Variants in MUC5AC observed in about 807,000 individuals in gnomAD.
MUC5AC encodes mucin-5AC.
A neutral mutation model predicts 169.7 loss-of-function variants in MUC5AC; 158 were observed. The observed-to-expected ratio is 0.93, with a 90% CI of 0.82 to 1.06. The LOEUF (loss-of-function observed/expected upper bound fraction) is 1.06, where lower values mean the gene tolerates loss of function less well. MUC5AC is among the 50% of genes least tolerant of loss of function. The pLI is 0.00. For missense variants in MUC5AC, 4,359 were observed against 3,089.9 expected (o/e 1.41, Z -9.74); for synonymous variants, 1,975 against 1,237.0 (o/e 1.60, Z -12.52).
chr11:1,175,841 T>TCACACCCACTTATGCAA lies in MUC5AC; in HGVS notation c.2402-305_2402-304insCCACTTATGCAACACAC, dbSNP rs1564911317. On this transcript the variant is annotated intron_variant, in intron 19 of 48. Coordinates refer to ENST00000621226, the MANE Select transcript of MUC5AC (RefSeq NM_001304359.2). ...ACCACACCCACTCATGCACACGCAC[T>TCACACCCACTTATGCAA]CACACACCCACTTATGGACACGCTC... is the stretch of plus-strand genomic sequence containing the variant. Among the ~76,000 whole-genome samples, 6 of 6,582 alleles carry TCACACCCACTTATGCAA rather than the reference T, an allele frequency of 9.1e-4. 1 individual carries two copies. Among genetic ancestry groups the TCACACCCACTTATGCAA allele is most frequent in the Non-Finnish European group, 2.6e-3 (6 of 2,298 alleles). 4.3% of individuals were successfully genotyped at this position (6,582 alleles called of 152,430 possible). A position where few individuals can be genotyped will look rare whatever the true frequency, so the allele number is the denominator to read the frequency against.
intron 2 of MUC5AC, among the ~76,000 whole-genome samples, chr11:1,161,142 G>A (rs1350567473): frequency 6.6e-6 from 1 of 152,228 alleles, no homozygotes; most frequent in African/African-American, 2.4e-5. Flanking sequence ...AGCCAGGGCA[G>A]GGGGCTTCAG....
In MUC5AC at chr11:1,180,247, T is replaced by A. The variant is rs1323841699; in HGVS notation, c.3613+97T>A. ...CTCTGTGGCCCCAGCTTCCAGCACA[T>A]TCTGGTGCTGTCGGCGAGGCCCGCT... is the stretch of plus-strand genomic sequence containing the variant. On this transcript the variant is annotated intron_variant, in intron 27 of 48. Coordinates refer to ENST00000621226, the MANE Select transcript of MUC5AC (RefSeq NM_001304359.2). The A allele has an allele frequency of 7.5e-6, 3 of 398,552 alleles. No homozygotes were observed. In the Admixed American group the frequency reaches 1.3e-4, roughly 18 times the overall value. 24.7% of individuals were successfully genotyped at this position (398,552 alleles called of 1,614,324 possible). A position where few individuals can be genotyped will look rare whatever the true frequency, so the allele number is the denominator to read the frequency against.
chr11:1,170,417 C>CACT (rs1860471292), intron 15 of MUC5AC, among the ~76,000 whole-genome samples: 1 of 126,968 alleles, frequency 7.9e-6, no homozygotes. Context: ...ACCTACTCAC[C>CACT]CACTCACCCA....
chr11:1,174,837 C>T (rs1860634197), intron 17 of MUC5AC, 45 bp from the exon 18 acceptor site: 1 of 428,198 alleles, frequency 2.3e-6, no homozygotes, highest in South Asian at 6.0e-5. Flanking sequence ...CTGCCCACTG[C>T]CGGGCTGTGT....
At chr11:1,198,637 G>A (rs1444950631) in intron 43 of MUC5AC, among the ~76,000 whole-genome samples, 1 of 152,128 alleles carries the variant, frequency 6.6e-6, no homozygotes, top group Non-Finnish European at 1.5e-5. Context: ...GCCTTGTTGG[G>A]CACCCCATCC....
At chr11:1,176,106 C>A (rs936978347) in intron 19 of MUC5AC, 45 bp from the exon 20 acceptor site, 363 of 363,884 alleles carry the variant, frequency 1.0e-3, no homozygotes, top group African/African-American at 9.1e-3. Context: ...TTTGAGGCAC[C>A]GCAGCAGCCT....
chr11:1,185,907 A>G lies in MUC5AC; in HGVS notation c.7762A>G (p.Thr2588Ala). 1.3e-6 allele frequency: 1 copy of G among 746,936 alleles called. No homozygotes were observed. The highest frequency in any genetic ancestry group is 1.4e-5 in the South Asian group (1 of 71,814). 46.3% of individuals were successfully genotyped at this position (746,936 alleles called of 1,614,324 possible). ...CACAACCTCTGCTCCTACAACCAGCACAACCTCTGGTCCTGGAACTACTCC... is the reference window on the plus strand; with the variant it reads ...CACAACCTCTGCTCCTACAACCAGCGCAACCTCTGGTCCTGGAACTACTCC... ...TSTTSAPTTS[T>A]TSGPGTTPSA... The change falls in exon 31 of 49, where the codon ACA (threonine) becomes GCA (alanine). Residue 2588 changes from threonine (T) to alanine (A), a missense_variant. By Grantham distance (58) the Thr-to-Ala change is moderately conservative. Transcript: ENST00000621226.
chr11:1,159,024 A>C (rs28524833), intron 1 of MUC5AC, among the ~76,000 whole-genome samples: 105,087 of 152,188 alleles, frequency 0.69, 38,263 homozygotes, highest in Non-Finnish European at 0.81. Flanking sequence ...GAGAGGGCGG[A>C]GCTGGGGCTG....
intron 2 of MUC5AC, 143 bp downstream of exon 2, chr11:1,160,832 C>A: frequency 1.3e-6 from 1 of 789,028 alleles, no homozygotes; most frequent in South Asian, 1.7e-5. Context: ...CAGGAGGACA[C>A]CCCCACATCC....
Position 1,196,627 on chromosome 11 carries a change from G to A in MUC5AC, c.15736G>A (p.Glu5246Lys). 2.6e-6 allele frequency: 2 copies of A among 762,202 alleles called. No individual in the cohort carries two copies. The highest frequency in any genetic ancestry group is 4.8e-6 in the Non-Finnish European group (2 of 416,686). The allele number at this position is 762,202 out of a possible 1,614,324, so 47.2% of individuals were successfully genotyped here. ...NDSASLGALP[E>K]AGPITEGCFC... ...CTATGCTCTCTACAGGGCTCTGCCG[G>A]AGGCCGGCCCCATCACCGAAGGCTG... is the stretch of plus-strand genomic sequence containing the variant. The change falls in exon 39 of 49, where the codon GAG becomes AAG. Residue 5246 changes from glutamate (E) to lysine (K), a missense_variant. Physicochemically the swap from Glu to Lys is moderately conservative, Grantham distance 56. Coordinates refer to ENST00000621226, the MANE Select transcript of MUC5AC (RefSeq NM_001304359.2).
chr11:1,182,111 A>G (rs1239861508), intron 30 of MUC5AC, 44 bp from the exon 31 acceptor site: 3 of 398,434 alleles, frequency 7.5e-6, no homozygotes, highest in African/African-American at 4.1e-5. Context: ...GCGGCCCCCA[A>G]GTGCGGGCCT....
Position 1,188,982 on chromosome 11 carries a change from G to A in MUC5AC, c.10837G>A (p.Val3613Met). Reference sequence around the variant, plus strand: ...CTTCAAGATGTGCCTCAACTACGAGGTGCGTGTGCTTTGCTGCGAGACCCC... The same window carrying A: ...CTTCAAGATGTGCCTCAACTACGAGATGCGTGTGCTTTGCTGCGAGACCCC... ...GPFKMCLNYE[V>M]RVLCCETPKG... The change falls in exon 31 of 49, where the codon GTG becomes ATG. Residue 3613 changes from valine to methionine, a missense_variant. Physicochemically the swap from Val to Met is conservative, Grantham distance 21 (BLOSUM62 1). Coordinates refer to ENST00000621226, the MANE Select transcript of MUC5AC (RefSeq NM_001304359.2). 1.5e-6 allele frequency: 1 copy of A among 687,442 alleles called. No individual in the cohort carries two copies. The highest frequency in any genetic ancestry group is 1.6e-5 in the South Asian group (1 of 62,426). The allele number at this position is 687,442 out of a possible 1,614,324, so 42.6% of individuals were successfully genotyped here. A position where few individuals can be genotyped will look rare whatever the true frequency, so the allele number is the denominator to read the frequency against.
intron 36 of MUC5AC, 73 bp downstream of exon 36, chr11:1,195,352 G>A (rs1861242800): frequency 4.2e-6 from 3 of 712,658 alleles, no homozygotes; most frequent in Non-Finnish European, 7.8e-6. Flanking sequence ...GGCTGGAGGG[G>A]AAGAAGCGCA....
At chr11:1,162,694 G>T in intron 5 of MUC5AC, 48 bp downstream of exon 5, 1 of 1,551,284 alleles carries the variant, frequency 6.4e-7, no homozygotes, top group Admixed American at 1.7e-5. Context: ...GCCCTCGAGG[G>T]CCGGCCTGCT....
rs1447015247 is a variant in MUC5AC at position 1,189,636 on chromosome 11, A to C, written c.11491A>C (p.Thr3831Pro). 1 of 625,246 alleles carries C rather than the reference A, an allele frequency of 1.6e-6. No homozygotes were observed. The highest frequency in any genetic ancestry group is 2.8e-6 in the Non-Finnish European group (1 of 351,482). 38.7% of individuals were successfully genotyped at this position (625,246 alleles called of 1,614,324 possible). A position where few individuals can be genotyped will look rare whatever the true frequency, so the allele number is the denominator to read the frequency against. The change falls in exon 31 of 49, where the codon ACA (threonine) becomes CCA (proline). Residue 3831 changes from threonine (T) to proline (P), a missense_variant. Transcript: ENST00000621226. ...CACAACCTCTTCCCCTACAACTAGC[A>C]CAACCTCAGCTCCTACAACCAGCAC... ...TSTTSSPTTS[T>P]TSAPTTSTTS...
chr11:1,163,630 C>A (rs1278742073), intron 6 of MUC5AC, among the ~76,000 whole-genome samples: 1 of 152,144 alleles, frequency 6.6e-6, no homozygotes, highest in Non-Finnish European at 1.5e-5. Context: ...CCGGCGGCAC[C>A]CTGTGGCCCG....
Position 1,158,071 on chromosome 11 carries a change from A to G in MUC5AC, c.72A>G (p.Thr24=), listed in dbSNP as rs747404342. 1.9e-6 allele frequency: 3 copies of G among 1,605,452 alleles called. No homozygotes were observed. Among genetic ancestry groups the G allele is most frequent in the South Asian group, 2.2e-5 (2 of 89,644 alleles). The change falls in exon 1 of 49, where the codon ACA becomes ACG. Residue 24 remains threonine, a splice_region_variant and synonymous_variant. Transcript: ENST00000621226. ...TCGCTCTGGCCTGCACCCGGCATAC[A>G]GGTACGGCTTGGCCCCTGGCCGCTC... ...LALALACTRH[T]GHAQDGSSES...
chr11:1,196,814 C>T (rs1278894507), intron 39 of MUC5AC, 63 bp from the exon 40 acceptor site: 7 of 745,262 alleles, frequency 9.4e-6, no homozygotes, highest in African/African-American at 3.4e-5. Context: ...CAATATGGGA[C>T]CCTGCCTCTC....
chr11:1,177,739 A>G (rs1264314597), intron 24 of MUC5AC, 106 bp downstream of exon 24: 4 of 306,922 alleles, frequency 1.3e-5, no homozygotes, highest in African/African-American at 8.8e-5. Context: ...AGAGAGAAAC[A>G]CAGAGATGGA....
Sources: gnomAD v4.1 joint callset for allele counts (sites outside exome capture counted in the v4.1 genomes callset) on GRCh38, gnomAD v4.1.1 for gene constraint, MANE v1.5 for transcripts, NCBI Gene and HGNC (gene_info 2026-07-23, HGNC 2026-07-21) for gene names.